Variants in CDH13 observed in about 807,000 individuals in gnomAD.
CDH13 encodes cadherin-13.
In CDH13, 24 loss-of-function variants were observed where a neutral mutation model predicts 63.8. The observed-to-expected ratio is 0.38, with a 90% CI of 0.27 to 0.53. The LOEUF (loss-of-function observed/expected upper bound fraction) is 0.53. Ranked by LOEUF, CDH13 falls within the 20% of genes least tolerant of loss-of-function variation. The pLI is 0.85. For synonymous variants in CDH13, 503 were observed against 355.3 expected (o/e 1.42, Z -4.67); for missense variants, 1,049 against 903.1 (o/e 1.16, Z -2.07).
intron 1 of CDH13, among the ~76,000 whole-genome samples, chr16:82,747,456 GTATTTATT>G (rs142224325): frequency 0.25 from 37,384 of 152,038 alleles, 5,531 homozygotes; most frequent in South Asian, 0.38. Context: ...TGGCAGATGT[GTATTTATT>G]TTTTAGTGCA....
chr16:83,157,163 T>A (rs933223663), intron 4 of CDH13, among the ~76,000 whole-genome samples: 4 of 152,212 alleles, frequency 2.6e-5, no homozygotes, highest in Admixed American at 2.0e-4. Flanking sequence ...AGATTAATTT[T>A]GATTCTTAGT....
chr16:83,584,181 A>T (rs1432859663), intron 7 of CDH13, among the ~76,000 whole-genome samples: 1 of 152,124 alleles, frequency 6.6e-6, no homozygotes, highest in African/African-American at 2.4e-5. Context: ...TACAAAAAAA[A>T]TTAGCCGGGC....
intron 7 of CDH13, among the ~76,000 whole-genome samples, chr16:83,543,870 G>A (rs565060121): frequency 5.4e-4 from 82 of 152,318 alleles, no homozygotes; most frequent in South Asian, 8.3e-4. Flanking sequence ...CCTAAGCAAA[G>A]ACAAAATGGA....
At chr16:83,666,293 T>A (rs1302837356) in intron 8 of CDH13, among the ~76,000 whole-genome samples, 2 of 152,236 alleles carry the variant, frequency 1.3e-5, no homozygotes, top group Admixed American at 1.3e-4. Context: ...AAACATTGAA[T>A]AGAATTAATA....
At chr16:83,167,759 C>A (rs1263210921) in intron 4 of CDH13, among the ~76,000 whole-genome samples, 1 of 150,738 alleles carries the variant, frequency 6.6e-6, no homozygotes, top group Non-Finnish European at 1.5e-5. Context: ...TCAAATAGTT[C>A]AACTGGATAG....
intron 3 of CDH13, among the ~76,000 whole-genome samples, chr16:83,049,288 T>G (rs995431017): frequency 2.0e-5 from 3 of 150,930 alleles, no homozygotes; most frequent in African/African-American, 7.3e-5. Context: ...ATAATATAAA[T>G]GAAATCATAC....
At chr16:82,834,118 C>G (rs2038663435) in intron 1 of CDH13, among the ~76,000 whole-genome samples, 1 of 152,150 alleles carries the variant, frequency 6.6e-6, no homozygotes, top group East Asian at 1.9e-4. Context: ...ATTAATAACC[C>G]TCAGCATGAG....
intron 6 of CDH13, among the ~76,000 whole-genome samples, chr16:83,408,256 G>A (rs1381457699): frequency 2.0e-5 from 3 of 152,102 alleles, no homozygotes; most frequent in Middle Eastern, 3.2e-3. Context: ...ACAAAACTGG[G>A]AACACTGCAC....
At chr16:82,896,184 T>C (rs189317016) in intron 2 of CDH13, among the ~76,000 whole-genome samples, 18 of 151,964 alleles carry the variant, frequency 1.2e-4, no homozygotes, top group Admixed American at 8.5e-4. Context: ...CTTATTTTCC[T>C]TGTTAACGGG....
intron 7 of CDH13, among the ~76,000 whole-genome samples, chr16:83,560,076 C>A (rs939345532): frequency 3.3e-5 from 5 of 152,110 alleles, no homozygotes; most frequent in African/African-American, 1.2e-4. Flanking sequence ...CTAATAGAAC[C>A]CAGTGTCTCC....
chr16:83,492,307 G>A (rs2074031915), intron 7 of CDH13, among the ~76,000 whole-genome samples: 1 of 152,158 alleles, frequency 6.6e-6, no homozygotes, highest in Non-Finnish European at 1.5e-5. Context: ...CTGATTTAAT[G>A]CTAATACTTT....
Position 83,290,182 on chromosome 16 carries a change from C to G in CDH13, c.637-54680C>G, listed in dbSNP as rs187031528. Among the ~76,000 whole-genome samples, 8 of 152,268 alleles carry G rather than the reference C, an allele frequency of 5.3e-5. No individual in the cohort carries two copies. In the East Asian group the frequency reaches 1.2e-3, roughly 22 times the overall value. On this transcript the variant is annotated intron_variant, in intron 5 of 13. Coordinates refer to ENST00000567109, the MANE Select transcript of CDH13 (RefSeq NM_001257.5). ...TCCTCCTTGCTGCTGTGCAATATAC[C>G]ATTACGGGAACTAACCACATTCAAT... is the stretch of plus-strand genomic sequence containing the variant.
intron 1 of CDH13, among the ~76,000 whole-genome samples, chr16:82,800,089 C>G (rs1424936485): frequency 1.3e-5 from 2 of 152,152 alleles, no homozygotes; most frequent in East Asian, 3.9e-4. Flanking sequence ...CAGGAAGACC[C>G]TTTGGTTGGC....
chr16:82,787,245 A>G (rs2036060559), intron 1 of CDH13, among the ~76,000 whole-genome samples: 1 of 152,176 alleles, frequency 6.6e-6, no homozygotes, highest in Non-Finnish European at 1.5e-5. Flanking sequence ...TGACTTCTTC[A>G]CCATGTCCAT....
chr16:83,323,435 C>A (rs1297162503), intron 5 of CDH13, among the ~76,000 whole-genome samples: 2 of 151,264 alleles, frequency 1.3e-5, no homozygotes, highest in African/African-American at 4.9e-5. Flanking sequence ...TGCCTGCCAC[C>A]ACATCCGGCT....
chr16:83,326,542 A>G (rs974284352), intron 5 of CDH13, among the ~76,000 whole-genome samples: 1 of 152,120 alleles, frequency 6.6e-6, no homozygotes, highest in African/African-American at 2.4e-5. Flanking sequence ...CAACCGAACA[A>G]AATTCAGAAG....
chr16:83,797,439 C>A lies in CDH13; in HGVS notation c.*2409C>A, dbSNP rs1337463879. 6.6e-6 allele frequency: 1 copy of A among 152,220 alleles called. No individual in the cohort carries two copies. Among genetic ancestry groups the A allele is most frequent in the African/African-American group, 2.4e-5 (1 of 41,450 alleles). 9.4% of individuals were successfully genotyped at this position (152,220 alleles called of 1,614,324 possible). On this transcript the variant is annotated 3_prime_UTR_variant, in exon 14 of 14. Coordinates refer to ENST00000567109, the MANE Select transcript of CDH13 (RefSeq NM_001257.5). ...CATTAATAAATAGAATATGCCTCAA[C>A]TTTCCCTTATTTAAACATATTCTCT...
rs914169495 is a variant in CDH13 at position 82,947,850 on chromosome 16, C to G, written c.158-84160C>G. Reference sequence around the variant, plus strand: ...CTGAAAGTAGTATTTAAAATGGAAACCCTGACAAGAATGAGTGTCACAGGG... The same window carrying G: ...CTGAAAGTAGTATTTAAAATGGAAAGCCTGACAAGAATGAGTGTCACAGGG... On this transcript the variant is annotated intron_variant, in intron 2 of 13. Transcript: ENST00000567109. Among the ~76,000 whole-genome samples the G allele has an allele frequency of 2.6e-5, 4 of 152,172 alleles. No homozygotes were observed. In the East Asian group the frequency reaches 7.7e-4, roughly 29 times the overall value.
chr16:82,841,496 A>C (rs2039008503), intron 1 of CDH13, among the ~76,000 whole-genome samples: 2 of 152,178 alleles, frequency 1.3e-5, no homozygotes, highest in African/African-American at 4.8e-5. Flanking sequence ...ATTATCTCTG[A>C]TCATTTGAGC....
Sources: gnomAD v4.1 joint callset for allele counts (sites outside exome capture counted in the v4.1 genomes callset) on GRCh38, gnomAD v4.1.1 for gene constraint, MANE v1.5 for transcripts, NCBI Gene and HGNC (gene_info 2026-07-23, HGNC 2026-07-21) for gene names.